LARS2: variants seen among roughly 807,000 people sequenced by gnomAD.
The protein encoded by LARS2 is leucine--tRNA ligase, mitochondrial.
LARS2 carries 81 observed loss-of-function variants against 116.6 expected under a neutral mutation model. The observed-to-expected ratio is 0.69, with a 90% CI of 0.58 to 0.84. The LOEUF is 0.84. Ranked by LOEUF, LARS2 falls within the 40% of genes least tolerant of loss-of-function variation. The pLI is 0.00. For missense variants in LARS2, 968 were observed against 1,114.5 expected (o/e 0.87, Z 1.87); for synonymous variants, 396 against 407.2 (o/e 0.97, Z 0.33).
intron 8 of LARS2, among the ~76,000 whole-genome samples, chr3:45,472,541 C>G (rs1699544595): frequency 6.6e-6 from 1 of 152,114 alleles, no homozygotes; most frequent in African/African-American, 2.4e-5. Context: ...CAGAGTCTTC[C>G]TTCTAGGAAT....
At chr3:45,499,031 CAT>C (rs1575294853) in intron 14 of LARS2, among the ~76,000 whole-genome samples, 2 of 152,156 alleles carry the variant, frequency 1.3e-5, no homozygotes, top group East Asian at 3.9e-4. Flanking sequence ...CAGTGGCTCA[CAT>C]GTGTAATCCC....
chr3:45,415,137 G>T (rs575480942), intron 4 of LARS2, among the ~76,000 whole-genome samples: 11 of 152,180 alleles, frequency 7.2e-5, no homozygotes, highest in Non-Finnish European at 1.5e-4. Flanking sequence ...TTACTGGCCT[G>T]GGCTTGCTTA....
chr3:45,473,387 T>G (rs925598003), intron 8 of LARS2, among the ~76,000 whole-genome samples: 16 of 134,812 alleles, frequency 1.2e-4, no homozygotes, highest in African/African-American at 4.4e-4. Context: ...TTTGTTTTGT[T>G]TTTTGTTTTT....
intron 6 of LARS2, among the ~76,000 whole-genome samples, chr3:45,440,892 C>T (rs1444727126): frequency 6.6e-6 from 1 of 152,128 alleles, no homozygotes; most frequent in African/African-American, 2.4e-5. Context: ...TGTTAAGGAG[C>T]AGAACACTAT....
intron 3 of LARS2, among the ~76,000 whole-genome samples, chr3:45,397,825 G>C (rs1698075563): frequency 6.6e-6 from 1 of 152,168 alleles, no homozygotes; most frequent in African/African-American, 2.4e-5. Context: ...GTAAAAGAAT[G>C]GGGTCTTGTA....
chr3:45,529,286 G>T (rs1435364610), intron 20 of LARS2, among the ~76,000 whole-genome samples: 6 of 151,990 alleles, frequency 3.9e-5, no homozygotes, highest in Non-Finnish European at 8.8e-5. Context: ...CTAAGTAGCC[G>T]CCGGGCACGG....
rs563351648 is a variant in LARS2, at chr3:45,519,048, ATT to A, written c.2214+977_2214+978del. On this transcript the variant is annotated intron_variant, in intron 18 of 21. Transcript: ENST00000645846. ...TTCTTCTATTCTGTCAGATAAAAGAATTAGGTTATTTCAACAAGTTGGAAACT... is the reference window on the plus strand; with the variant it reads ...TTCTTCTATTCTGTCAGATAAAAGAAAGGTTATTTCAACAAGTTGGAAACT... Among the ~76,000 whole-genome samples, 41 of 152,362 alleles carry A rather than the reference ATT, an allele frequency of 2.7e-4. No individual in the cohort carries two copies. In the East Asian group the frequency reaches 7.5e-3, roughly 28 times the overall value.
intron 21 of LARS2, among the ~76,000 whole-genome samples, chr3:45,545,563 C>G (rs1260165623): frequency 6.6e-6 from 1 of 152,194 alleles, no homozygotes; most frequent in East Asian, 1.9e-4. Flanking sequence ...GAAGGGACTG[C>G]CTTGGTAAGG....
Position 45,491,635 on chromosome 3 carries a change from G to T in LARS2, c.1358G>T (p.Arg453Leu). 1.2e-6 allele frequency: 2 copies of T among 1,614,190 alleles called. No homozygotes were observed. The highest frequency in any genetic ancestry group is 1.7e-6 in the Non-Finnish European group (2 of 1,180,030). Residue 453 changes from arginine (R) to leucine (L), a missense_variant, in exon 13 of 22, where the codon CGG becomes CTG. By Grantham distance (102) the Arg-to-Leu change is moderately radical. Coordinates refer to ENST00000645846, the MANE Select transcript of LARS2 (RefSeq NM_015340.4). ...AAAGACTGGCTGATTTCACGGCAGCGGTACTGGGGCACACCAATCCCCATT... is the reference window on the plus strand; with the variant it reads ...AAAGACTGGCTGATTTCACGGCAGCTGTACTGGGGCACACCAATCCCCATT... ...KLKDWLISRQRYWGTPIPIVH... is the reference protein window; with the variant it reads ...KLKDWLISRQLYWGTPIPIVH...
intron 4 of LARS2, among the ~76,000 whole-genome samples, chr3:45,416,492 T>G (rs578143809): frequency 2.6e-5 from 4 of 152,244 alleles, no homozygotes; most frequent in African/African-American, 9.6e-5. Context: ...AGGGTTGGGA[T>G]GAACTTTCTT....
chr3:45,402,313 G>A (rs1698167333), intron 4 of LARS2, among the ~76,000 whole-genome samples: 1 of 152,144 alleles, frequency 6.6e-6, no homozygotes, highest in Admixed American at 6.5e-5. Context: ...GCACCTGAGA[G>A]CCAACTATGT....
At chr3:45,547,281 G>A in intron 21 of LARS2, 70 bp from the exon 22 acceptor site, 1 of 1,401,600 alleles carries the variant, frequency 7.1e-7, no homozygotes, top group Non-Finnish European at 9.8e-7. Flanking sequence ...CAGGCAGGAG[G>A]TTTGGTATTG....
At chr3:45,460,483 C>A (rs1699297797) in intron 8 of LARS2, among the ~76,000 whole-genome samples, 1 of 152,174 alleles carries the variant, frequency 6.6e-6, no homozygotes. Context: ...ATGTAATAAC[C>A]TAACTGAGGA....
chr3:45,522,194 G>A (rs529443425), intron 19 of LARS2, among the ~76,000 whole-genome samples: 35 of 152,194 alleles, frequency 2.3e-4, no homozygotes, highest in Admixed American at 6.5e-4. Flanking sequence ...GGTGTGGTTG[G>A]TGTAACCTTG....
At chr3:45,436,355 A>C (rs1285814278) in intron 6 of LARS2, among the ~76,000 whole-genome samples, 1 of 152,074 alleles carries the variant, frequency 6.6e-6, no homozygotes, top group Non-Finnish European at 1.5e-5. Flanking sequence ...TCAAAAAAAA[A>C]AAAACAAAAA....
At chr3:45,468,303 C>T (rs1434061633) in intron 8 of LARS2, among the ~76,000 whole-genome samples, 1 of 151,998 alleles carries the variant, frequency 6.6e-6, no homozygotes, top group Non-Finnish European at 1.5e-5. Context: ...TGGCTGTTAC[C>T]ATTTTGTTTT....
At chr3:45,455,181 C>T (rs1457395645) in intron 7 of LARS2, among the ~76,000 whole-genome samples, 2 of 150,480 alleles carry the variant, frequency 1.3e-5, no homozygotes, top group Non-Finnish European at 2.9e-5. Context: ...ATGTGCAAAC[C>T]TCTTAGGAGC....
Position 45,547,493 on chromosome 3 carries a change from C to G in LARS2, c.2675C>G (p.Pro892Arg), listed in dbSNP as rs990049514. 3 of 1,612,308 alleles carry G rather than the reference C, an allele frequency of 1.9e-6. No homozygotes were observed. The highest frequency in any genetic ancestry group is 2.7e-5 in the African/African-American group (2 of 74,746). ...GRSIKKSFLS[P>R]RTALINFLVQ... Reference sequence around the variant, plus strand: ...AGCATCAAGAAGTCCTTCCTTTCCCCGAGAACTGCCCTCATCAACTTCCTG... The same window carrying G: ...AGCATCAAGAAGTCCTTCCTTTCCCGGAGAACTGCCCTCATCAACTTCCTG... Residue 892 changes from proline (P) to arginine (R), a missense_variant, in exon 22 of 22, where the codon CCG becomes CGG. Physicochemically the swap from Pro to Arg is moderately radical, Grantham distance 103 (BLOSUM62 -2). Transcript: ENST00000645846.
intron 7 of LARS2, among the ~76,000 whole-genome samples, chr3:45,453,495 G>A (rs573826384): frequency 2.6e-5 from 4 of 152,180 alleles, no homozygotes; most frequent in Non-Finnish European, 4.4e-5. Flanking sequence ...TTACCCACTT[G>A]GTAAAGCTAA....
Sources: allele counts gnomAD v4.1 joint callset (sites outside exome capture counted in the v4.1 genomes callset), GRCh38; gene constraint gnomAD v4.1.1; transcripts MANE v1.5; gene names NCBI Gene and HGNC (gene_info 2026-07-23, HGNC 2026-07-21).